SPIDR: variants seen among roughly 807,000 people sequenced by gnomAD.
SPIDR encodes the protein DNA repair-scaffolding protein.
A neutral mutation model predicts 104.6 loss-of-function variants in SPIDR; 93 were observed. The observed-to-expected ratio is 0.89, with a 90% confidence interval of 0.75 to 1.06. SPIDR has a LOEUF of 1.06. Among genes scored for constraint, SPIDR ranks in the 50% least tolerant of loss-of-function variants. The pLI is 0.00. For synonymous variants in SPIDR, 431 were observed against 416.9 expected, an observed-to-expected ratio of 1.03 and a Z score of -0.41; for missense variants, 1,154 against 1,111.2, an observed-to-expected ratio of 1.04 and a Z score of -0.55.
intron 11 of SPIDR, among the ~76,000 whole-genome samples, chr8:47,692,116 T>G (rs1053336081): frequency 6.6e-6 from 1 of 152,246 alleles, no homozygotes; most frequent in Non-Finnish European, 1.5e-5. Flanking sequence ...AGTGGTCTCC[T>G]GATTAGTGGC....
At chr8:47,342,034 C>T (rs367835569) in intron 5 of SPIDR, among the ~76,000 whole-genome samples, 18 of 152,042 alleles carry the variant, frequency 1.2e-4, no homozygotes, top group East Asian at 9.7e-4. Context: ...CTAGCGATCT[C>T]GAAAAAGATA....
intron 5 of SPIDR, among the ~76,000 whole-genome samples, chr8:47,355,105 G>A (rs928617130): frequency 1.3e-5 from 2 of 151,740 alleles, no homozygotes; most frequent in African/African-American, 4.8e-5. Context: ...ACAGGCACCC[G>A]CCACCACGCC....
intron 10 of SPIDR, among the ~76,000 whole-genome samples, chr8:47,669,409 C>T (rs1020585931): frequency 2.0e-5 from 3 of 152,160 alleles, no homozygotes; most frequent in Non-Finnish European, 4.4e-5. Flanking sequence ...GACTCCACCT[C>T]GGGCCTGAGC....
chr8:47,440,446 C>T lies in SPIDR; in HGVS notation c.1001C>T (p.Pro334Leu), dbSNP rs2069192814. 1.2e-6 allele frequency: 2 copies of T among 1,614,078 alleles called. No individual in the cohort carries two copies. The highest frequency in any genetic ancestry group is 1.1e-5 in the South Asian group (1 of 91,086). Reference protein sequence around the residue: ...PATSSSQSVAPRPGAGLKVLF... With the variant: ...PATSSSQSVALRPGAGLKVLF... ...ACCAGCTCCTCCCAAAGTGTGGCTC[C>T]CAGGCCTGGAGCTGGCCTGAAAGTT... The change falls in exon 8 of 20, where the codon CCC becomes CTC. Residue 334 changes from proline to leucine, a missense_variant. By Grantham distance (98) the Pro-to-Leu change is moderately conservative. Transcript: ENST00000297423.
chr8:47,495,604 C>G (rs1364085495), intron 8 of SPIDR, among the ~76,000 whole-genome samples: 2 of 151,942 alleles, frequency 1.3e-5, no homozygotes, highest in Admixed American at 1.3e-4. Flanking sequence ...ATCTAAGGAG[C>G]CATTGCCTGG....
At chr8:47,629,510 T>C (rs1386368246) in intron 10 of SPIDR, among the ~76,000 whole-genome samples, 1 of 152,160 alleles carries the variant, frequency 6.6e-6, no homozygotes, top group Non-Finnish European at 1.5e-5. Flanking sequence ...CCCAACACTT[T>C]GGGAGGCCGA....
intron 11 of SPIDR, among the ~76,000 whole-genome samples, chr8:47,689,948 CATT>C (rs1392035983): frequency 6.6e-6 from 1 of 151,970 alleles, no homozygotes; most frequent in Non-Finnish European, 1.5e-5. Flanking sequence ...GTCTTTGAAA[CATT>C]ATATGAGGGG....
In SPIDR at chr8:47,735,712, G is replaced by C. The variant is rs988870876; in HGVS notation, c.*262G>C. On this transcript the variant is annotated 3_prime_UTR_variant, in exon 20 of 20. Transcript: ENST00000297423. The stretch of plus-strand genomic sequence containing the variant: ...TTTTCACATTGAATCTTAAGTTTAA[G>C]CTCTTCATTTGGTATTTAGGCAATA... 2 of 808,036 alleles carry C rather than the reference G, an allele frequency of 2.5e-6. No homozygotes were observed. Among genetic ancestry groups the C allele is most frequent in the Non-Finnish European group, 3.7e-6 (2 of 538,986 alleles). The allele number at this position is 808,036 out of a possible 1,614,324, so 50.1% of individuals were successfully genotyped here. A position where few individuals can be genotyped will look rare whatever the true frequency, so the allele number is the denominator to read the frequency against.
At chr8:47,317,744 CA>C (rs202077888) in intron 5 of SPIDR, among the ~76,000 whole-genome samples, 1 of 152,076 alleles carries the variant, frequency 6.6e-6, no homozygotes, top group African/African-American at 2.4e-5. Context: ...TCCTCTGAGA[CA>C]AAACTTCCAG....
At chr8:47,276,746 T>C (rs1260586707) in intron 1 of SPIDR, 3 of 152,180 alleles carry the variant, frequency 2.0e-5, no homozygotes, top group Admixed American at 1.3e-4. Flanking sequence ...TTATGGTGTG[T>C]AGTGTTAGAG....
chr8:47,622,058 T>C (rs1281530693), intron 10 of SPIDR, among the ~76,000 whole-genome samples: 1 of 152,092 alleles, frequency 6.6e-6, no homozygotes, highest in Non-Finnish European at 1.5e-5. Flanking sequence ...GCATTTGATA[T>C]GATCCAAGTA....
chr8:47,715,615 A>C (rs1011429735), intron 16 of SPIDR, among the ~76,000 whole-genome samples: 2 of 152,252 alleles, frequency 1.3e-5, no homozygotes, highest in Non-Finnish European at 2.9e-5. Context: ...TTTCATGATT[A>C]GCATCTTTCA....
intron 5 of SPIDR, among the ~76,000 whole-genome samples, chr8:47,325,319 A>G (rs534364158): frequency 5.3e-4 from 80 of 152,192 alleles, no homozygotes; most frequent in Non-Finnish European, 1.0e-3. Context: ...GCTTAGAGGT[A>G]GTATATTAAA....
chr8:47,653,391 T>C (rs1221906462), intron 10 of SPIDR, among the ~76,000 whole-genome samples: 2 of 152,160 alleles, frequency 1.3e-5, no homozygotes, highest in African/African-American at 4.8e-5. Flanking sequence ...TGGTAGTCGG[T>C]TGGGGAATGC....
At chr8:47,360,866 G>A in intron 5 of SPIDR, 1 of 985,434 alleles carries the variant, frequency 1.0e-6, no homozygotes. Flanking sequence ...TCTTGGACGT[G>A]CTGGACCACA....
chr8:47,264,453 A>G (rs1554545053), intron 1 of SPIDR, among the ~76,000 whole-genome samples: 1 of 152,000 alleles, frequency 6.6e-6, no homozygotes, highest in Non-Finnish European at 1.5e-5. Flanking sequence ...AGGCTGGGGT[A>G]TCTTAGTTCT....
intron 5 of SPIDR, chr8:47,330,734 A>G (rs1339989494): frequency 2.2e-6 from 1 of 455,756 alleles, no homozygotes; most frequent in African/African-American, 2.0e-5. Flanking sequence ...TCTGGATATA[A>G]CACTTTATCC....
intron 8 of SPIDR, among the ~76,000 whole-genome samples, chr8:47,465,222 C>G (rs1483581795): frequency 4.6e-5 from 7 of 152,164 alleles, no homozygotes; most frequent in African/African-American, 1.7e-4. Context: ...GAGGCAAGCA[C>G]TAAGTATCTA....
intron 8 of SPIDR, among the ~76,000 whole-genome samples, chr8:47,486,829 C>T (rs1380901754): frequency 6.6e-6 from 1 of 152,132 alleles, no homozygotes; most frequent in Non-Finnish European, 1.5e-5. Flanking sequence ...CAGGCCTGCC[C>T]TAAAAGAGCT....
Sources: allele counts gnomAD v4.1 joint callset (sites outside exome capture counted in the v4.1 genomes callset), GRCh38; gene constraint gnomAD v4.1.1; transcripts MANE v1.5; gene names NCBI Gene and HGNC (gene_info 2026-07-23, HGNC 2026-07-21).